The following FBXW11 variants were observed in gnomAD, a reference collection of about 807,000 sequenced individuals.
FBXW11 encodes the protein F-box and WD repeat domain containing 11.
A neutral mutation model predicts 77.6 loss-of-function variants in FBXW11; 19 were observed. That is an observed-to-expected ratio of 0.24 (90% CI 0.17 to 0.36). The LOEUF (loss-of-function observed/expected upper bound fraction) is 0.36, where lower values mean the gene tolerates loss of function less well. Ranked by LOEUF, FBXW11 falls within the 10% of genes least tolerant of loss-of-function variation. The pLI is 1.00. For synonymous variants in FBXW11, 235 were observed against 249.4 expected (o/e 0.94, Z 0.54); for missense variants, 334 against 704.2 (o/e 0.47, Z 5.95).
At chr5:172,003,419 C>T (rs1766536864) in intron 1 of FBXW11, 1 of 152,132 alleles carries the variant, frequency 6.6e-6, no homozygotes, top group South Asian at 2.1e-4. Context: ...GCCGGATAAA[C>T]TTTACATATT....
chr5:171,896,205 C>G (rs548509825), intron 6 of FBXW11, among the ~76,000 whole-genome samples: 66 of 152,158 alleles, frequency 4.3e-4, no homozygotes, highest in African/African-American at 1.5e-3. Flanking sequence ...GGCACATAAG[C>G]CAAGCTGTCG....
At chr5:171,971,078 CT>C (rs1211430023) in intron 1 of FBXW11, among the ~76,000 whole-genome samples, 2 of 152,288 alleles carry the variant, frequency 1.3e-5, no homozygotes, top group African/African-American at 4.8e-5. Flanking sequence ...TGAAAGGGAC[CT>C]TACAGACTTT....
At chr5:171,942,939 G>T (rs1204456874) in intron 2 of FBXW11, among the ~76,000 whole-genome samples, 1 of 152,000 alleles carries the variant, frequency 6.6e-6, no homozygotes, top group Non-Finnish European at 1.5e-5. Flanking sequence ...TCTTTTGACA[G>T]TCTTTTTCTT....
chr5:171,984,063 CA>C (rs1452322547), intron 1 of FBXW11, among the ~76,000 whole-genome samples: 1 of 150,998 alleles, frequency 6.6e-6, no homozygotes, highest in Non-Finnish European at 1.5e-5. Flanking sequence ...AACAAAACCA[CA>C]AGAGTATATA....
chr5:171,942,652 C>T (rs930444560), intron 2 of FBXW11, among the ~76,000 whole-genome samples: 6 of 152,098 alleles, frequency 3.9e-5, no homozygotes, highest in Middle Eastern at 3.4e-3. Context: ...AATCCAAAAA[C>T]ACTAGCCAGG....
At chr5:171,928,892 G>C (rs746775249) in intron 2 of FBXW11, among the ~76,000 whole-genome samples, 13 of 150,068 alleles carry the variant, frequency 8.7e-5, no homozygotes, top group Non-Finnish European at 1.6e-4. Flanking sequence ...GGCCAATGCA[G>C]TCAACCCCCG....
intron 7 of FBXW11, among the ~76,000 whole-genome samples, chr5:171,884,254 T>C (rs2113812204): frequency 6.6e-6 from 1 of 152,362 alleles, no homozygotes; most frequent in Middle Eastern, 3.4e-3. Context: ...TTCTCCTGTA[T>C]GTGGCTTGCC....
At chr5:171,899,799 C>T (rs984387234) in intron 5 of FBXW11, 115 bp downstream of exon 5, 2 of 907,406 alleles carry the variant, frequency 2.2e-6, no homozygotes, top group East Asian at 2.5e-5. Flanking sequence ...ACTCATTTTC[C>T]CCCCTTTTTA....
intron 2 of FBXW11, among the ~76,000 whole-genome samples, chr5:171,940,712 A>G (rs950865103): frequency 3.3e-5 from 5 of 152,062 alleles, no homozygotes; most frequent in African/African-American, 1.2e-4. Flanking sequence ...ACACAGTGAA[A>G]CCCCGTCTGT....
At chr5:171,952,448 T>TATATATATATATATATA (rs1491271340) in intron 2 of FBXW11, among the ~76,000 whole-genome samples, 17 of 10,860 alleles carry the variant, frequency 1.6e-3, no homozygotes, top group Non-Finnish European at 2.6e-3. Context: ...TATATATATA[T>TATATATATATATATATA]TTTTTTTTTT....
chr5:171,868,846 A>G (rs779734797), intron 12 of FBXW11, 50 bp from the exon 13 acceptor site: 2 of 1,531,364 alleles, frequency 1.3e-6, no homozygotes, highest in African/African-American at 1.4e-5. Flanking sequence ...ACAGCCCCTG[A>G]TATCTCACAA....
intron 2 of FBXW11, among the ~76,000 whole-genome samples, chr5:171,927,261 T>C (rs1761940151): frequency 3.3e-5 from 5 of 152,218 alleles, no homozygotes; most frequent in Admixed American, 2.6e-4. Context: ...TGATGATGCA[T>C]CACTGGACTA....
intron 1 of FBXW11, among the ~76,000 whole-genome samples, chr5:171,958,162 T>C (rs1763714727): frequency 6.6e-6 from 1 of 152,140 alleles, no homozygotes; most frequent in Non-Finnish European, 1.5e-5. Context: ...CCTCATATCA[T>C]TGTAAGGAAA....
At chr5:171,985,360 C>T (rs1765376917) in intron 1 of FBXW11, among the ~76,000 whole-genome samples, 1 of 152,156 alleles carries the variant, frequency 6.6e-6, no homozygotes, top group Admixed American at 6.6e-5. Context: ...ACATGTGGCT[C>T]ACACCTGTAA....
chr5:171,873,462 T>C (rs1308592133), intron 9 of FBXW11, among the ~76,000 whole-genome samples: 1 of 151,942 alleles, frequency 6.6e-6, no homozygotes, highest in East Asian at 1.9e-4. Flanking sequence ...CTGGGCAAAA[T>C]AGTGAAACCC....
chr5:171,902,903 G>C (rs973421914), intron 4 of FBXW11, among the ~76,000 whole-genome samples: 1 of 152,084 alleles, frequency 6.6e-6, no homozygotes, highest in Non-Finnish European at 1.5e-5. Context: ...TTGGGTTGGG[G>C]GGATGGTGGG....
Position 172,006,514 on chromosome 5 carries a change from CG to C in FBXW11, c.-13del, listed in dbSNP as rs1337250012. 23 of 1,504,870 alleles carry C rather than the reference CG, an allele frequency of 1.5e-5. No homozygotes were observed. The highest frequency in any genetic ancestry group is 2.0e-5 in the Non-Finnish European group (23 of 1,125,416). The allele number at this position is 1,504,870 out of a possible 1,614,324, so 93.2% of individuals were successfully genotyped here. A position where few individuals can be genotyped will look rare whatever the true frequency, so the allele number is the denominator to read the frequency against. ...GAGTCGGGCTCCATGGCGGCCCCGG[CG>C]GCCCCGCCTCGCTCTCCCCGCGCAG... is the stretch of plus-strand genomic sequence containing the variant. On this transcript the variant is annotated 5_prime_UTR_variant, in exon 1 of 14. Transcript: ENST00000517395.
rs1766792413 is a variant in FBXW11 at position 172,006,558 on chromosome 5, G to T, written c.-56C>A. ...CCGCGCAGCAGCGAACGGCCCGGGCGGAGGAGGCGACGGCGGAGGCGGCAG... is the reference window on the plus strand; with the variant it reads ...CCGCGCAGCAGCGAACGGCCCGGGCTGAGGAGGCGACGGCGGAGGCGGCAG... On this transcript the variant is annotated 5_prime_UTR_variant, in exon 1 of 14. Coordinates refer to ENST00000517395, the MANE Select transcript of FBXW11 (RefSeq NM_001378974.1). 1.4e-6 allele frequency: 2 copies of T among 1,456,862 alleles called. No individual in the cohort carries two copies. The highest frequency in any genetic ancestry group is 1.8e-4 in the Middle Eastern group (1 of 5,602). 90.2% of individuals were successfully genotyped at this position (1,456,862 alleles called of 1,614,324 possible). A position where few individuals can be genotyped will look rare whatever the true frequency, so the allele number is the denominator to read the frequency against.
In FBXW11 at chr5:172,006,495, G is replaced by C; in HGVS notation, c.8C>G (p.Pro3Arg). 2.6e-6 allele frequency: 4 copies of C among 1,525,058 alleles called. No individual in the cohort carries two copies. Among genetic ancestry groups the C allele is most frequent in the Non-Finnish European group, 3.5e-6 (4 of 1,136,438 alleles). The allele number at this position is 1,525,058 out of a possible 1,614,324, so 94.5% of individuals were successfully genotyped here. A position where few individuals can be genotyped will look rare whatever the true frequency, so the allele number is the denominator to read the frequency against. ...GGTCTTGTCCTCAATCACCGAGTCGGGCTCCATGGCGGCCCCGGCGGCCCC... is the reference window on the plus strand; with the variant it reads ...GGTCTTGTCCTCAATCACCGAGTCGCGCTCCATGGCGGCCCCGGCGGCCCC... ME[P>R]DSVIEDKTIE... is the part of the protein sequence containing the mutation. The change falls in exon 1 of 14, where the codon CCC becomes CGC. Residue 3 changes from proline to arginine, a missense_variant. Around this residue, in one of 10 missense-constraint regions of FBXW11, gnomAD observed 80 missense variants for 105.1 expected, o/e 0.76. Transcript: ENST00000517395.
Sources: gnomAD v4.1 joint callset for allele counts (sites outside exome capture counted in the v4.1 genomes callset) on GRCh38, gnomAD v4.1.1 for gene constraint, gnomAD v4.1.1 regional missense constraint, MANE v1.5 for transcripts, NCBI Gene and HGNC (gene_info 2026-07-23, HGNC 2026-07-21) for gene names.